The following CELF2 variants were observed in gnomAD, a reference collection of about 807,000 sequenced individuals.
The protein encoded by CELF2 is CUGBP Elav-like family member 2.
Under a neutral mutation model 62.6 loss-of-function variants are expected in CELF2, and 8 were observed. That is an observed-to-expected ratio of 0.13 (90% CI 0.07 to 0.23). The LOEUF is 0.23. Ranked by LOEUF, CELF2 falls within the 10% of genes least tolerant of loss-of-function variation. CELF2 has a pLI of 1.00. For synonymous variants in CELF2, 258 were observed against 250.0 expected (o/e 1.03, Z -0.30); for missense variants, 333 against 671.0 (o/e 0.50, Z 5.56).
intron 2 of CELF2, chr10:10,937,356 C>T (rs2046538476): frequency 6.6e-6 from 1 of 152,094 alleles, no homozygotes; most frequent in African/African-American, 2.4e-5. Context: ...GTCTCAAACT[C>T]CTGACCTCAG....
the CELF2 span, among the ~76,000 whole-genome samples, chr10:10,733,443 A>T: frequency 1.3e-5 from 2 of 152,184 alleles, no homozygotes; most frequent in Admixed American, 6.5e-5. Flanking sequence ...AGTGAAAAAA[A>T]AAAGTGCAGA....
chr10:10,694,362 C>G, the CELF2 span, among the ~76,000 whole-genome samples: 1 of 150,598 alleles, frequency 6.6e-6, no homozygotes. Flanking sequence ...TTTGATTGCA[C>G]TGTGGTCTGA....
At chr10:11,016,023 T>A (rs1415568210), upstream of CELF2, among the ~76,000 whole-genome samples, 1 of 152,250 alleles carries the variant, frequency 6.6e-6, no homozygotes. This position sits in a 1 kb window ranked among gnomAD's most constrained non-coding sequence, Gnocchi z 5.2. Flanking sequence ...GTGTTTTGCT[T>A]CTGTTTTGGA....
At chr10:10,492,243 C>T in the CELF2 span, among the ~76,000 whole-genome samples, 2 of 152,184 alleles carry the variant, frequency 1.3e-5, no homozygotes, top group African/African-American at 4.8e-5. Flanking sequence ...GTTTGCACAA[C>T]AGCTCAAATC....
chr10:11,037,277 C>T (rs139799018), intron 1 of CELF2, among the ~76,000 whole-genome samples: 3 of 152,192 alleles, frequency 2.0e-5, no homozygotes, highest in Admixed American at 6.5e-5. Flanking sequence ...GACTTACTGT[C>T]GTGAGAACAG....
chr10:10,555,057 A>G, the CELF2 span, among the ~76,000 whole-genome samples: 1 of 152,184 alleles, frequency 6.6e-6, no homozygotes, highest in South Asian at 2.1e-4. Flanking sequence ...AAGGGGTTAG[A>G]AAAAGAAAGG....
intron 2 of CELF2, among the ~76,000 whole-genome samples, chr10:11,208,697 G>A (rs1283811794): frequency 6.6e-6 from 1 of 152,210 alleles, no homozygotes; most frequent in Non-Finnish European, 1.5e-5. Context: ...GTATTTTTAA[G>A]TTTTATGGCT....
intron 2 of CELF2, among the ~76,000 whole-genome samples, chr10:11,167,476 T>C (rs2067561160): frequency 6.6e-6 from 1 of 152,254 alleles, no homozygotes; most frequent in African/African-American, 2.4e-5. Flanking sequence ...CACTTACTGT[T>C]ATGATGCCTG....
At chr10:10,487,107 T>C in the CELF2 span, among the ~76,000 whole-genome samples, 1 of 152,218 alleles carries the variant, frequency 6.6e-6, no homozygotes, top group East Asian at 1.9e-4. Flanking sequence ...GACATCTTGC[T>C]GGCTTCCTAT....
chr10:10,645,460 C>G, the CELF2 span, among the ~76,000 whole-genome samples: 78 of 152,232 alleles, frequency 5.1e-4, no homozygotes, highest in Non-Finnish European at 9.6e-4. Flanking sequence ...TGCGACCAGC[C>G]TTGGCAACAT....
intron 1 of CELF2, among the ~76,000 whole-genome samples, chr10:11,141,329 A>G (rs929920186): frequency 7.2e-5 from 11 of 152,172 alleles, no homozygotes; most frequent in Non-Finnish European, 1.0e-4. Context: ...AGGACATTGG[A>G]AGGGTGAGTT....
intron 1 of CELF2, among the ~76,000 whole-genome samples, chr10:10,914,743 C>G (rs1025603578): frequency 2.0e-5 from 3 of 152,198 alleles, no homozygotes; most frequent in Admixed American, 6.5e-5. Flanking sequence ...CTTCCATCAC[C>G]TCATTCTACT....
At chr10:11,235,782 A>G (rs1029726404) in intron 3 of CELF2, among the ~76,000 whole-genome samples, 11 of 150,556 alleles carry the variant, frequency 7.3e-5, no homozygotes, top group Admixed American at 4.0e-4. Context: ...AAAACTTGCC[A>G]TTTATTTTTA....
At chr10:10,960,295 A>T (rs2049349475) in intron 2 of CELF2, 1 of 152,258 alleles carries the variant, frequency 6.6e-6, no homozygotes, top group African/African-American at 2.4e-5. Context: ...AACCACTTGA[A>T]GACAGCATTC....
At chr10:11,005,179 A>T, upstream of CELF2, 3 of 1,433,720 alleles carry the variant, frequency 2.1e-6, no homozygotes, top group South Asian at 1.5e-5. This position sits in a 1 kb window ranked among gnomAD's most constrained non-coding sequence, Gnocchi z 4.3. Flanking sequence ...ATTTCTACTT[A>T]GTGAATCTGC....
intron 2 of CELF2, among the ~76,000 whole-genome samples, chr10:10,925,412 G>A (rs1187134083): frequency 6.6e-6 from 1 of 151,910 alleles, no homozygotes; most frequent in Non-Finnish European, 1.5e-5. Flanking sequence ...TATATGCCAA[G>A]CATGGTTGTC....
chr10:10,742,341 T>C, the CELF2 span, among the ~76,000 whole-genome samples: 1 of 152,146 alleles, frequency 6.6e-6, no homozygotes, highest in Non-Finnish European at 1.5e-5. Context: ...CTTACAATAC[T>C]CTTTTGGGTG....
chr10:11,119,104 C>G (rs2057183106), intron 1 of CELF2, among the ~76,000 whole-genome samples: 1 of 152,206 alleles, frequency 6.6e-6, no homozygotes, highest in African/African-American at 2.4e-5. Flanking sequence ...GAGTCTTCAC[C>G]AAGAAGATGC....
At chr10:11,134,020 C>T (rs116240225) in intron 1 of CELF2, among the ~76,000 whole-genome samples, 2,290 of 152,230 alleles carry the variant, frequency 0.015, 51 homozygotes, top group African/African-American at 0.052. Context: ...GCTGGAATTC[C>T]GTATTATTGT....
Sources: allele counts gnomAD v4.1 joint callset (sites outside exome capture counted in the v4.1 genomes callset), GRCh38; gene constraint gnomAD v4.1.1; non-coding constraint Gnocchi (gnomAD v3.1); transcripts MANE v1.5; gene names NCBI Gene and HGNC (gene_info 2026-07-23, HGNC 2026-07-21).